Variants in ZNF34 observed in about 807,000 individuals in gnomAD.
ZNF34 encodes the protein zinc finger protein 34 (KOX 32).
Under a neutral mutation model 14.4 loss-of-function variants are expected in ZNF34, and 8 were observed. The observed-to-expected ratio is 0.55, with a 90% CI of 0.33 to 1.00. The LOEUF is 1.00. Among genes scored for constraint, ZNF34 ranks in the 50% least tolerant of loss-of-function variants. The probability of loss-of-function intolerance (pLI) is 0.03; values close to 1 mark genes in which losing one functional copy is unlikely to be tolerated. For synonymous variants in ZNF34, 235 were observed against 247.9 expected (o/e 0.95, Z 0.49); for missense variants, 538 against 674.2 (o/e 0.80, Z 2.24).
Position 144,779,180 on chromosome 8 carries a change from G to T in ZNF34, c.-54-655C>A, listed in dbSNP as rs1825717933. Among the ~76,000 whole-genome samples, 2 of 152,124 alleles carry T rather than the reference G, an allele frequency of 1.3e-5. No individual in the cohort carries two copies. The highest frequency in any genetic ancestry group is 6.5e-5 in the Admixed American group (1 of 15,272). ...GCTTGGATGGAATCCAGGGCTCAGG[G>T]CACAAAACCCTCATGGCCTCTGGAA... On this transcript the variant is annotated intron_variant, in intron 2 of 5. Transcript: ENST00000429371. This position sits in a 1 kb window ranked among gnomAD's most constrained non-coding sequence, Gnocchi z 4.1.
chr8:144,774,564 C>T lies in ZNF34; in HGVS notation c.322G>A (p.Glu108Lys), dbSNP rs542393171. The part of the protein sequence containing the change: ...RTEYKELTSQ[E>K]TFGEEDPQGS... ...TGGGGATCTTCCTCACCAAATGTCT[C>T]CTGTGAAGTCAACTCCTTGTACTCA... is the stretch of plus-strand genomic sequence containing the variant. Residue 108 changes from glutamate (E) to lysine (K), a missense_variant, in exon 6 of 6, where the codon GAG (glutamate) becomes AAG (lysine). Coordinates refer to ENST00000429371, the MANE Select transcript of ZNF34 (RefSeq NM_001286769.2). The T allele has an allele frequency of 5.9e-5, 95 of 1,613,840 alleles. 1 individual carries two copies. The South Asian group carries it at 9.4e-4, about 16-fold the overall frequency.
At chr8:144,786,920 C>T (rs1466778372) in intron 1 of ZNF34, among the ~76,000 whole-genome samples, 1 of 152,002 alleles carries the variant, frequency 6.6e-6, no homozygotes, top group Non-Finnish European at 1.5e-5. Context: ...GGGAGGGAGC[C>T]GGGATGGGAA....
intron 5 of ZNF34, among the ~76,000 whole-genome samples, chr8:144,775,502 T>G (rs138551723): frequency 1.9e-3 from 287 of 152,150 alleles, no homozygotes; most frequent in Admixed American, 3.2e-3. Context: ...GGAACATAAG[T>G]TGTGGTGTGT....
At chr8:144,775,430 G>A (rs1825448911) in intron 5 of ZNF34, among the ~76,000 whole-genome samples, 1 of 152,192 alleles carries the variant, frequency 6.6e-6, no homozygotes, top group African/African-American at 2.4e-5. Flanking sequence ...GCACAAGAGT[G>A]TCCACAGCAG....
chr8:144,774,510 G>C lies in ZNF34; in HGVS notation c.376C>G (p.His126Asp), dbSNP rs750098218. Residue 126 changes from histidine (H) to aspartate (D), a missense_variant, in exon 6 of 6, where the codon CAC becomes GAC. Physicochemically the swap from His to Asp is moderately conservative, Grantham distance 81. Coordinates refer to ENST00000429371, the MANE Select transcript of ZNF34 (RefSeq NM_001286769.2). ...QGSEPVEACD[H>D]ISKSEGSLEK... ...AGGCTCCCCTCTGACTTACTGATGT[G>C]GTCACAGGCTTCTACTGGCTCAGAT... The C allele has an allele frequency of 6.2e-7, 1 of 1,613,794 alleles. No homozygotes were observed. The highest frequency in any genetic ancestry group is 8.5e-7 in the Non-Finnish European group (1 of 1,179,886).
At chr8:144,781,261 T>A (rs1421037631) in intron 1 of ZNF34, among the ~76,000 whole-genome samples, 1 of 151,628 alleles carries the variant, frequency 6.6e-6, no homozygotes, top group Non-Finnish European at 1.5e-5. Flanking sequence ...TGGTAAATCC[T>A]CCTCTGGAGT....
chr8:144,784,013 GC>G (rs766917665), intron 1 of ZNF34, among the ~76,000 whole-genome samples: 360 of 152,048 alleles, frequency 2.4e-3, no homozygotes, highest in African/African-American at 7.7e-3. Flanking sequence ...TATAAAATTA[GC>G]CCGGCCATGG....
chr8:144,776,693 T>TGAGCC (rs2130232078), intron 5 of ZNF34, among the ~76,000 whole-genome samples: 1 of 152,256 alleles, frequency 6.6e-6, no homozygotes, highest in South Asian at 2.1e-4. Context: ...GAGGATCGCT[T>TGAGCC]GAGCCTAGGA....
chr8:144,774,189 T>C lies in ZNF34; in HGVS notation c.697A>G (p.Ser233Gly). ...TACCTGAATGTTTTCCCACAGTAAC[T>C]GCAATAATGCAATTTTTTCCCAGTA... is the stretch of plus-strand genomic sequence containing the variant. The part of the protein sequence containing the change: ...IPTGKKLHYC[S>G]YCGKTFRYSA... Residue 233 changes from serine to glycine, a missense_variant, in exon 6 of 6, where the codon AGT becomes GGT. This residue lies in a region of ZNF34 where 431 missense variants were observed against 525.7 expected (regional missense o/e 0.82). Coordinates refer to ENST00000429371, the MANE Select transcript of ZNF34 (RefSeq NM_001286769.2). 1 of 1,613,922 alleles carries C rather than the reference T, an allele frequency of 6.2e-7. No individual in the cohort carries two copies. The highest frequency in any genetic ancestry group is 8.5e-7 in the Non-Finnish European group (1 of 1,179,894).
In ZNF34 at chr8:144,778,440, T is replaced by G. The variant is rs767564210; in HGVS notation, c.32A>C (p.Gln11Pro). The change falls in exon 3 of 6, where the codon CAG (glutamine) becomes CCG (proline). Residue 11 changes from glutamine (Q) to proline (P), a missense_variant and splice_region_variant. Coordinates refer to ENST00000429371, the MANE Select transcript of ZNF34 (RefSeq NM_001286769.2). Reference protein sequence around the residue: MAALFLSAPPQAEVTFEDVAV... With the variant: MAALFLSAPPPAEVTFEDVAV... ...CCTCCCAGGAGGACAGACACTCACC[T>G]GGGGTGGGGCAGACAGGAACAAGGC... 3 of 1,573,140 alleles carry G rather than the reference T, an allele frequency of 1.9e-6. No individual in the cohort carries two copies. The highest frequency in any genetic ancestry group is 2.6e-6 in the Non-Finnish European group (3 of 1,160,516).
Position 144,777,154 on chromosome 8 carries a change from G to A in ZNF34, c.280+304C>T, listed in dbSNP as rs115795340. ...GGAGCGCAGGGTTCTGTGGGGTTCC[G>A]CAGACCCTAACAGCACCCCTGTTCT... is the stretch of plus-strand genomic sequence containing the variant. On this transcript the variant is annotated intron_variant, in intron 5 of 5. Coordinates refer to ENST00000429371, the MANE Select transcript of ZNF34 (RefSeq NM_001286769.2). This position sits in a 1 kb window ranked among gnomAD's most constrained non-coding sequence, Gnocchi z 4.8. Among the ~76,000 whole-genome samples the A allele has an allele frequency of 3.8e-3, 578 of 152,080 alleles. 3 individuals carry two copies. The highest frequency in any genetic ancestry group is 0.013 in the African/African-American group (553 of 41,474).
In ZNF34 at chr8:144,778,425, G is replaced by A; in HGVS notation, c.33+14C>T. ...GGTAAAAACTTCACTCCTCCCAGGA[G>A]GACAGACACTCACCTGGGGTGGGGC... On this transcript the variant is annotated intron_variant, in intron 3 of 5. Coordinates refer to ENST00000429371, the MANE Select transcript of ZNF34 (RefSeq NM_001286769.2). 6.5e-7 allele frequency: 1 copy of A among 1,550,046 alleles called. No homozygotes were observed. Among genetic ancestry groups the A allele is most frequent in the Non-Finnish European group, 8.7e-7 (1 of 1,149,614 alleles).
At chr8:144,787,001 C>G (rs138266957) in intron 1 of ZNF34, among the ~76,000 whole-genome samples, 1 of 152,254 alleles carries the variant, frequency 6.6e-6, no homozygotes, top group Non-Finnish European at 1.5e-5. Context: ...CGGCAGGAGT[C>G]CAGGGGACCC....
chr8:144,777,678 G>A lies in ZNF34; in HGVS notation c.161-101C>T, dbSNP rs1329944165. On this transcript the variant is annotated intron_variant, in intron 4 of 5. Transcript: ENST00000429371. The surrounding 1 kb of genome is among the most constrained non-coding windows in gnomAD (Gnocchi z 4.8). ...CAGGGTAAGGGAGGCACAGGCAGAG[G>A]GGGTGATGGAAGCCTGGACACTCTC... The A allele has an allele frequency of 6.4e-6, 9 of 1,396,384 alleles. No homozygotes were observed. Among genetic ancestry groups the A allele is most frequent in the Admixed American group, 2.2e-5 (1 of 45,834 alleles). The allele number at this position is 1,396,384 out of a possible 1,614,324, so 86.5% of individuals were successfully genotyped here.
chr8:144,780,528 C>T (rs1401086496), intron 1 of ZNF34, among the ~76,000 whole-genome samples: 1 of 152,230 alleles, frequency 6.6e-6, no homozygotes, highest in African/African-American at 2.4e-5. Flanking sequence ...TGGCTCACGC[C>T]TGCAATCCCA....
rs373059674 is a variant in ZNF34 at position 144,774,390 on chromosome 8, T to C, written c.496A>G (p.Arg166Gly). 5.0e-6 allele frequency: 8 copies of C among 1,613,566 alleles called. No homozygotes were observed. The African/African-American group carries it at 8.0e-5, about 16-fold the overall frequency. The change falls in exon 6 of 6, where the codon AGA (arginine) becomes GGA (glycine). Residue 166 changes from arginine to glycine, a missense_variant. Transcript: ENST00000429371. ...TGAGGTCTCTGATCAGGAACAGGTC[T>C]TGACAGCAACCTGAGGTTTCCCCCA... The part of the protein sequence containing the change: ...ESGGNLRLLS[R>G]PVPDQRPHKC...
rs374055959 is a variant in ZNF34, at chr8:144,780,262, T to G, written c.-89A>C. 668 of 1,550,344 alleles carry G rather than the reference T, an allele frequency of 4.3e-4. No individual in the cohort carries two copies. Among genetic ancestry groups the G allele is most frequent in the Non-Finnish European group, 5.5e-4 (635 of 1,146,012 alleles). ...GCATGAGACTCTCGGATTAGATACA[T>G]GTGATGCAACTATTTGGCCTAAAAT... is the stretch of plus-strand genomic sequence containing the variant. On this transcript the variant is annotated 5_prime_UTR_variant, in exon 2 of 6. It removes an upstream start codon present in the reference 5' UTR. Transcript: ENST00000429371.
rs539513889 is a variant in ZNF34 at position 144,775,404 on chromosome 8, C to T, written c.281-799G>A. Reference sequence around the variant, plus strand: ...ACACGCGCCAGAAATGTATTCCGGGCGCCAGAGAGAGACATGCACAAGAGT... The same window carrying T: ...ACACGCGCCAGAAATGTATTCCGGGTGCCAGAGAGAGACATGCACAAGAGT... On this transcript the variant is annotated intron_variant, in intron 5 of 5. Coordinates refer to ENST00000429371, the MANE Select transcript of ZNF34 (RefSeq NM_001286769.2). Among the ~76,000 whole-genome samples, 7 of 152,292 alleles carry T rather than the reference C, an allele frequency of 4.6e-5. No individual in the cohort carries two copies. In the South Asian group the frequency reaches 6.2e-4, roughly 14 times the overall value.
Position 144,773,434 on chromosome 8 carries a change from G to T in ZNF34, c.1452C>A (p.Cys484Ter), listed in dbSNP as rs1287997561. Reference protein sequence around the residue: ...RLHHGEKPYRCSDCKKAFSQS... With the variant: ...RLHHGEKPYR ...GGCTGAAGGCTTTCTTGCAATCGCT[G>T]CATCTGTAGGGTTTCTCTCCGTGGT... is the stretch of plus-strand genomic sequence containing the variant. Residue 484 changes from cysteine (C) to a stop codon, truncating the protein, a stop_gained, in exon 6 of 6, where the codon TGC (cysteine) becomes TGA (stop). Transcript: ENST00000429371. LOFTEE classifies it low-confidence loss of function (END_TRUNC). The surrounding 1 kb of genome is among the most constrained non-coding windows in gnomAD (Gnocchi z 5.4). 2 of 1,613,368 alleles carry T rather than the reference G, an allele frequency of 1.2e-6. No homozygotes were observed. The highest frequency in any genetic ancestry group is 3.3e-5 in the Admixed American group (2 of 59,878).
Sources: allele counts gnomAD v4.1 joint callset (sites outside exome capture counted in the v4.1 genomes callset), GRCh38; gene constraint gnomAD v4.1.1; regional missense constraint gnomAD v4.1.1; non-coding constraint Gnocchi (gnomAD v3.1); transcripts MANE v1.5; gene names NCBI Gene and HGNC (gene_info 2026-07-23, HGNC 2026-07-21).